DDIAS: variants seen among roughly 807,000 people sequenced by gnomAD.
DDIAS encodes DNA damage-induced apoptosis suppressor protein.
Under a neutral mutation model 15.7 loss-of-function variants are expected in DDIAS, and 14 were observed. The observed-to-expected ratio is 0.89, with a 90% confidence interval of 0.59 to 1.39. The LOEUF (loss-of-function observed/expected upper bound fraction) is 1.39. DDIAS is among the 40% of genes most tolerant of loss of function. The pLI is 0.00. For synonymous variants in DDIAS, 355 were observed against 395.9 expected (o/e 0.90, Z 1.23); for missense variants, 1,035 against 1,130.9 (o/e 0.92, Z 1.22).
intron 3 of DDIAS, among the ~76,000 whole-genome samples, chr11:82,916,888 C>A (rs1478807930): frequency 6.6e-6 from 1 of 152,196 alleles, no homozygotes; most frequent in Non-Finnish European, 1.5e-5. Flanking sequence ...CCTAAACAAT[C>A]TGAATTCTGT....
At chr11:82,905,768 C>T (rs1336122973) in intron 1 of DDIAS, among the ~76,000 whole-genome samples, 2 of 152,120 alleles carry the variant, frequency 1.3e-5, no homozygotes, top group Admixed American at 1.3e-4. Flanking sequence ...CCCCACCTAG[C>T]ATTTAGCAGC....
In DDIAS at chr11:82,934,022, C is replaced by G; in HGVS notation, c.2684C>G (p.Pro895Arg). 1 of 1,613,772 alleles carries G rather than the reference C, an allele frequency of 6.2e-7. No individual in the cohort carries two copies. The highest frequency in any genetic ancestry group is 8.5e-7 in the Non-Finnish European group (1 of 1,179,970). Residue 895 changes from proline to arginine, a missense_variant, in exon 6 of 6, where the codon CCT (proline) becomes CGT (arginine). Physicochemically the swap from Pro to Arg is moderately radical, Grantham distance 103. Coordinates refer to ENST00000533655, the MANE Select transcript of DDIAS (RefSeq NM_145018.4). ...LGKCLAAYHF[P>R]DQQELPRKKL... ...AAATGCCTTGCTGCCTATCATTTCC[C>G]TGATCAACAAGAGTTACCAAGAAAG... is the stretch of plus-strand genomic sequence containing the variant.
chr11:82,903,764 C>A (rs1348824325), intron 1 of DDIAS, among the ~76,000 whole-genome samples: 3 of 152,148 alleles, frequency 2.0e-5, no homozygotes, highest in Non-Finnish European at 4.4e-5. Flanking sequence ...GCCACCCTTC[C>A]CATAGCTGAG....
In DDIAS at chr11:82,934,161, T is replaced by G. The variant is rs1243717409; in HGVS notation, c.2823T>G (p.Ser941Arg). Residue 941 changes from serine to arginine, a missense_variant, in exon 6 of 6, where the codon AGT (serine) becomes AGG (arginine). Physicochemically the swap from Ser to Arg is moderately radical, Grantham distance 110. Coordinates refer to ENST00000533655, the MANE Select transcript of DDIAS (RefSeq NM_145018.4). ...KKKTHKYNCK[S>R]SGWISKCPDI... The stretch of plus-strand genomic sequence containing the variant: ...AAACTCATAAATATAACTGTAAAAG[T>G]TCAGGCTGGATTTCCAAATGTCCAG... 1 of 1,613,410 alleles carries G rather than the reference T, an allele frequency of 6.2e-7. No individual in the cohort carries two copies.
chr11:82,908,453 T>C (rs1860470787), intron 1 of DDIAS, among the ~76,000 whole-genome samples: 1 of 152,158 alleles, frequency 6.6e-6, no homozygotes, highest in South Asian at 2.1e-4. Flanking sequence ...AACTCACAGG[T>C]AGATGTACCT....
chr11:82,933,632 G>T lies in DDIAS; in HGVS notation c.2294G>T (p.Ser765Ile). ...GATTCAGAATATAATTTTGAAAATAGTCAAGACTTTGTTCCATGTTCACAG... is the reference window on the plus strand; with the variant it reads ...GATTCAGAATATAATTTTGAAAATATTCAAGACTTTGTTCCATGTTCACAG... ...QSDSEYNFEN[S>I]QDFVPCSQST... Residue 765 changes from serine (S) to isoleucine (I), a missense_variant, in exon 6 of 6, where the codon AGT becomes ATT. By Grantham distance (142) the Ser-to-Ile change is moderately radical. Transcript: ENST00000533655. The T allele has an allele frequency of 6.2e-7, 1 of 1,613,890 alleles. No homozygotes were observed. Among genetic ancestry groups the T allele is most frequent in the Non-Finnish European group, 8.5e-7 (1 of 1,179,884 alleles).
chr11:82,911,667 T>A (rs1342100892), intron 1 of DDIAS, among the ~76,000 whole-genome samples: 1 of 152,244 alleles, frequency 6.6e-6, no homozygotes, highest in Non-Finnish European at 1.5e-5. Context: ...GTGGATATTT[T>A]GACTTCCTCC....
At position 82,916,940 on chromosome 11, in the gene DDIAS, A is replaced by C. The variant is rs570876014; in HGVS notation, c.113+2089A>C. 3.9e-5 allele frequency among the ~76,000 whole-genome samples: 6 copies of C among 152,228 alleles called. No homozygotes were observed. In the South Asian group the frequency reaches 1.2e-3, roughly 32 times the overall value. On this transcript the variant is annotated intron_variant, in intron 3 of 5. Coordinates refer to ENST00000533655, the MANE Select transcript of DDIAS (RefSeq NM_145018.4). ...CATATTACTTCCAAATTAGCAGCGA[A>C]GTTTGTATTCAGAATGACATCTTCC...
intron 3 of DDIAS, among the ~76,000 whole-genome samples, chr11:82,917,386 G>A (rs752000235): frequency 2.5e-4 from 38 of 151,456 alleles, no homozygotes; most frequent in South Asian, 4.2e-4. Context: ...ATATCACTGA[G>A]AACATATGGT....
chr11:82,920,981 G>T (rs1860734293), intron 3 of DDIAS, among the ~76,000 whole-genome samples: 1 of 152,080 alleles, frequency 6.6e-6, no homozygotes. Context: ...TAGTATTGAA[G>T]TCCTCCACTA....
intron 4 of DDIAS, 40 bp downstream of exon 4, chr11:82,928,978 A>C (rs965411110): frequency 1.3e-6 from 2 of 1,574,628 alleles, no homozygotes; most frequent in African/African-American, 2.7e-5. Flanking sequence ...GACTGCCCTT[A>C]GAATTTGAAG....
chr11:82,932,222 C>T lies in DDIAS; in HGVS notation c.884C>T (p.Ser295Leu), dbSNP rs758092042. 3.1e-6 allele frequency: 5 copies of T among 1,613,834 alleles called. No homozygotes were observed. The highest frequency in any genetic ancestry group is 4.2e-6 in the Non-Finnish European group (5 of 1,179,968). ...AGCTGCCATGATCCCATTCAGGATT[C>T]ATGGAGCCTTGTTTCATATATGGAT... ...SSSCHDPIQD[S>L]WSLVSYMDKK... Residue 295 changes from serine (S) to leucine (L), a missense_variant, in exon 6 of 6, where the codon TCA becomes TTA. Ser to Leu is a moderately radical substitution (Grantham distance 145). Transcript: ENST00000533655.
At chr11:82,915,424 G>A (rs949419031) in intron 3 of DDIAS, among the ~76,000 whole-genome samples, 1 of 152,298 alleles carries the variant, frequency 6.6e-6, no homozygotes. Context: ...TCTCTGCATC[G>A]AAGAGAGGAC....
Position 82,932,522 on chromosome 11 carries a change from T to A in DDIAS, c.1184T>A (p.Leu395Ter), listed in dbSNP as rs760390930. Residue 395 changes from leucine (L) to a stop codon, truncating the protein, a stop_gained, in exon 6 of 6, where the codon TTA becomes TAA. Transcript: ENST00000533655. LOFTEE classifies it low-confidence loss of function (END_TRUNC). ...AGATCTGCATGTTGTCCACCTTCGT[T>A]ACTCAGACTTGAAGAGACAGCCAGC... ...QKRSACCPPSLLRLEETASSS... is the reference protein window; with the variant it reads ...QKRSACCPPS 2.4e-5 allele frequency: 39 copies of A among 1,614,068 alleles called. No homozygotes were observed. The East Asian group carries it at 8.5e-4, about 35-fold the overall frequency.
chr11:82,931,680 G>A, intron 5 of DDIAS, 52 bp from the exon 6 acceptor site: 2 of 1,488,884 alleles, frequency 1.3e-6, no homozygotes, highest in Non-Finnish European at 1.8e-6. Context: ...TCATGTTTAA[G>A]TAAATGGAAG....
intron 1 of DDIAS, among the ~76,000 whole-genome samples, chr11:82,910,213 C>T (rs532591686): frequency 6.6e-6 from 1 of 151,514 alleles, no homozygotes; most frequent in South Asian, 2.1e-4. Flanking sequence ...TGTTGTAAGG[C>T]ATGTATTTTA....
intron 4 of DDIAS, among the ~76,000 whole-genome samples, chr11:82,929,434 T>C (rs1410634777): frequency 6.6e-6 from 1 of 152,210 alleles, no homozygotes; most frequent in East Asian, 1.9e-4. Context: ...CCGGGCGCGG[T>C]AGCTCACGCC....
In DDIAS at chr11:82,933,942, C is replaced by T; in HGVS notation, c.2604C>T (p.Thr868=). 6.2e-7 allele frequency: 1 copy of T among 1,612,312 alleles called. No homozygotes were observed. Among genetic ancestry groups the T allele is most frequent in the Non-Finnish European group, 8.5e-7 (1 of 1,179,594 alleles). The change falls in exon 6 of 6, where the codon ACC becomes ACT. Residue 868 remains threonine, a synonymous_variant. Transcript: ENST00000533655. ...ETDSDEWVPP[T]TQKIFPSDML... is the part of the protein sequence containing the mutation. ...ATAGTGATGAATGGGTCCCTCCTAC[C>T]ACACAAAAAATATTTCCTTCAGATA...
Position 82,934,066 on chromosome 11 carries a change from CAAGGAACCAATA to C in DDIAS, c.2733_2744del (p.Thr912_Gly915del), listed in dbSNP as rs1861065629. 1 of 1,612,342 alleles carries C rather than the reference CAAGGAACCAATA, an allele frequency of 6.2e-7. No homozygotes were observed. Among genetic ancestry groups the C allele is most frequent in the South Asian group, 1.1e-5 (1 of 90,432 alleles). Reference sequence around the variant, plus strand: ...AAGAAAGAAACTGAAACATATTAGACAAGGAACCAATAAAGGTTTAATTAAGAAGAAATTAAA... The same window carrying C: ...AAGAAAGAAACTGAAACATATTAGACAAGGTTTAATTAAGAAGAAATTAAA... On this transcript the variant is annotated inframe_deletion, in exon 6 of 6. Coordinates refer to ENST00000533655, the MANE Select transcript of DDIAS (RefSeq NM_145018.4).
Sources: allele counts gnomAD v4.1 joint callset (sites outside exome capture counted in the v4.1 genomes callset), GRCh38; gene constraint gnomAD v4.1.1; transcripts MANE v1.5; gene names NCBI Gene and HGNC (gene_info 2026-07-23, HGNC 2026-07-21).